Variants in ADGRD1 observed in about 807,000 individuals in gnomAD.
The protein encoded by ADGRD1 is adhesion G protein-coupled receptor D1.
In ADGRD1, 77 loss-of-function variants were observed where a neutral mutation model predicts 113.4. That is an observed-to-expected ratio of 0.68 (90% CI 0.57 to 0.82). The LOEUF (loss-of-function observed/expected upper bound fraction) is 0.82, where lower values mean the gene tolerates loss of function less well. ADGRD1 is among the 40% of genes least tolerant of loss of function. The pLI, the probability that ADGRD1 is intolerant of heterozygous loss-of-function variation, is 0.00. For missense variants in ADGRD1, 1,036 were observed against 1,139.1 expected (o/e 0.91, Z 1.30); for synonymous variants, 474 against 475.0 (o/e 1.00, Z 0.03).
In ADGRD1 at chr12:131,075,181, G is replaced by C. The variant is rs1257790911; in HGVS notation, c.1474-1620G>C. 2.6e-5 allele frequency among the ~76,000 whole-genome samples: 4 copies of C among 152,052 alleles called. No homozygotes were observed. Among genetic ancestry groups the C allele is most frequent in the Non-Finnish European group, 5.9e-5 (4 of 68,000 alleles). On this transcript the variant is annotated intron_variant, in intron 13 of 24. Coordinates refer to ENST00000261654, the MANE Select transcript of ADGRD1 (RefSeq NM_198827.5). This position sits in a 1 kb window ranked among gnomAD's most constrained non-coding sequence, Gnocchi z 5.3. ...AATTACTCAGGTAACACACAAATAC[G>C]CCTCCTTGTTAAAAAATTACATATA... is the stretch of plus-strand genomic sequence containing the variant.
intron 13 of ADGRD1, among the ~76,000 whole-genome samples, chr12:131,019,453 C>T (rs1384741992): frequency 6.6e-6 from 1 of 152,238 alleles, no homozygotes; most frequent in African/African-American, 2.4e-5. Context: ...AAATTGCTCA[C>T]TGCGTTCAAC....
Position 131,084,431 on chromosome 12 carries a change from C to T in ADGRD1, c.1548-109C>T, listed in dbSNP as rs1357580386. On this transcript the variant is annotated intron_variant, in intron 14 of 24. Coordinates refer to ENST00000261654, the MANE Select transcript of ADGRD1 (RefSeq NM_198827.5). This position sits in a 1 kb window ranked among gnomAD's most constrained non-coding sequence, Gnocchi z 4.5. The stretch of plus-strand genomic sequence containing the variant: ...GCATTCCTGGCGTGGCAGGTGTGGG[C>T]GCCGCCATGAGTTCACGGGGCCATG... 1.7e-5 allele frequency: 20 copies of T among 1,193,452 alleles called. 1 individual carries two copies. The highest frequency in any genetic ancestry group is 1.2e-4 in the East Asian group (5 of 42,154). 73.9% of individuals were successfully genotyped at this position (1,193,452 alleles called of 1,614,324 possible).
intron 2 of ADGRD1, among the ~76,000 whole-genome samples, chr12:130,955,911 T>C (rs1195753): frequency 0.88 from 133,248 of 152,240 alleles, 58,399 homozygotes; most frequent in East Asian, 0.99. Flanking sequence ...GCCTCAGCCT[T>C]CCAAGCAGCT....
chr12:131,120,679 G>T, intron 19 of ADGRD1, 168 bp from the exon 20 acceptor site: 1 of 703,284 alleles, frequency 1.4e-6, no homozygotes, highest in Non-Finnish European at 2.6e-6. Flanking sequence ...ATGAGACGTG[G>T]GATCATCATG....
rs190064838 is a variant in ADGRD1 at position 131,072,399 on chromosome 12, G to A, written c.1474-4402G>A. Among the ~76,000 whole-genome samples the A allele has an allele frequency of 1.3e-4, 20 of 152,338 alleles. No homozygotes were observed. In the East Asian group the frequency reaches 2.5e-3, roughly 19 times the overall value. ...GGGGTCTTCTGAAGTAGGGGGCATC[G>A]GTGGGTCTCTCTGACCCTGGTGCGT... On this transcript the variant is annotated intron_variant, in intron 13 of 24. Coordinates refer to ENST00000261654, the MANE Select transcript of ADGRD1 (RefSeq NM_198827.5).
rs759840260 is a variant in ADGRD1 at position 130,954,575 on chromosome 12, C to G, written c.66+44C>G. On this transcript the variant is annotated intron_variant, in intron 1 of 24. Transcript: ENST00000261654. This position sits in a 1 kb window ranked among gnomAD's most constrained non-coding sequence, Gnocchi z 4.7. ...CAGGATGGCGACAGGCTTGGTTTCT[C>G]CGGAGGCTTTCCCTGAGTGTGTCTC... is the stretch of plus-strand genomic sequence containing the variant. The G allele has an allele frequency of 6.2e-7, 1 of 1,613,932 alleles. No individual in the cohort carries two copies. The highest frequency in any genetic ancestry group is 1.1e-5 in the South Asian group (1 of 91,060).
At chr12:131,014,776 T>C (rs1435468351) in intron 13 of ADGRD1, among the ~76,000 whole-genome samples, 1 of 152,192 alleles carries the variant, frequency 6.6e-6, no homozygotes, top group Non-Finnish European at 1.5e-5. Flanking sequence ...CTTCAGGCAT[T>C]GCGTGATAAG....
In ADGRD1 at chr12:131,133,471, T is replaced by G. The variant is rs571716005; in HGVS notation, c.2267+1655T>G. ...GCTGGCACTGTGTCTGCAGCTCTTG[T>G]GAAGGCTCGAGGTAGCGTGCCCCGG... On this transcript the variant is annotated intron_variant, in intron 21 of 24. Coordinates refer to ENST00000261654, the MANE Select transcript of ADGRD1 (RefSeq NM_198827.5). Among the ~76,000 whole-genome samples, 11 of 152,334 alleles carry G rather than the reference T, an allele frequency of 7.2e-5. No homozygotes were observed. In the South Asian group the frequency reaches 1.2e-3, roughly 17 times the overall value.
At chr12:130,958,621 C>T (rs1480545801) in intron 2 of ADGRD1, among the ~76,000 whole-genome samples, 1 of 152,028 alleles carries the variant, frequency 6.6e-6, no homozygotes, top group Non-Finnish European at 1.5e-5. Context: ...CTTCATGCTC[C>T]AGCTTCCATC....
rs753244977 is a variant in ADGRD1, at chr12:130,971,473, A to C, written c.203A>C (p.Lys68Thr). Residue 68 changes from lysine (K) to threonine (T), a missense_variant, in exon 4 of 25, where the codon AAG (lysine) becomes ACG (threonine). Coordinates refer to ENST00000261654, the MANE Select transcript of ADGRD1 (RefSeq NM_198827.5). This position sits in a 1 kb window ranked among gnomAD's most constrained non-coding sequence, Gnocchi z 4.2. Reference sequence around the variant, plus strand: ...TCTTCCTTAGATATTGTGGAAGGGAAGGTCAACAAAGGCATTTACCTGAAA... The same window carrying C: ...TCTTCCTTAGATATTGTGGAAGGGACGGTCAACAAAGGCATTTACCTGAAA... ...QDTTGDIVEG[K>T]VNKGIYLKEE... 12 of 1,613,170 alleles carry C rather than the reference A, an allele frequency of 7.4e-6. No homozygotes were observed. In the African/African-American group the frequency reaches 9.3e-5, roughly 13 times the overall value.
At chr12:131,126,244 G>A (rs117744762) in intron 20 of ADGRD1, among the ~76,000 whole-genome samples, 2,222 of 152,224 alleles carry the variant, frequency 0.015, 26 homozygotes, top group Non-Finnish European at 0.021. Flanking sequence ...ATTATTGAAC[G>A]AGTGGGTTTC....
rs912391221 is a variant in ADGRD1, at chr12:131,141,306, T to A, written c.*2043T>A. Reference sequence around the variant, plus strand: ...TCATGCACTTTATTTATAGGCTCTATGTTTTGGCTTCTGCAGTACTTTTAT... The same window carrying A: ...TCATGCACTTTATTTATAGGCTCTAAGTTTTGGCTTCTGCAGTACTTTTAT... On this transcript the variant is annotated 3_prime_UTR_variant, in exon 25 of 25. Coordinates refer to ENST00000261654, the MANE Select transcript of ADGRD1 (RefSeq NM_198827.5). 2.6e-5 allele frequency: 4 copies of A among 152,272 alleles called. No individual in the cohort carries two copies. Among genetic ancestry groups the A allele is most frequent in the Non-Finnish European group, 5.9e-5 (4 of 68,042 alleles). 9.4% of individuals were successfully genotyped at this position (152,272 alleles called of 1,614,324 possible). A position where few individuals can be genotyped will look rare whatever the true frequency, so the allele number is the denominator to read the frequency against.
chr12:131,047,789 G>A (rs971689354), intron 13 of ADGRD1, among the ~76,000 whole-genome samples: 9 of 152,192 alleles, frequency 5.9e-5, no homozygotes, highest in South Asian at 2.1e-4. Context: ...TTGGCTCAGC[G>A]TAAAGACATC....
chr12:131,126,286 C>G (rs1329537243), intron 20 of ADGRD1, among the ~76,000 whole-genome samples: 1 of 152,172 alleles, frequency 6.6e-6, no homozygotes, highest in Non-Finnish European at 1.5e-5. Context: ...CCCCTTCTCT[C>G]TCTCTGTGCT....
At chr12:131,030,463 G>C (rs1264668515) in intron 13 of ADGRD1, 1 of 152,698 alleles carries the variant, frequency 6.5e-6, no homozygotes, top group Non-Finnish European at 1.5e-5. Context: ...AGCGTGCGCA[G>C]GCCCTTCCTC....
In ADGRD1 at chr12:130,966,791, G is replaced by T; in HGVS notation, c.187+245G>T. ...AACTTCCCGTAATAGTTATTTCAAA[G>T]CTTTTTTTTTTGTAGAGATGGGGTC... On this transcript the variant is annotated intron_variant, in intron 3 of 24. Transcript: ENST00000261654. The surrounding 1 kb of genome is among the most constrained non-coding windows in gnomAD (Gnocchi z 4.6). The T allele has an allele frequency of 2.6e-6, 1 of 380,798 alleles. No individual in the cohort carries two copies. The highest frequency in any genetic ancestry group is 5.3e-5 in the Admixed American group (1 of 18,756). The allele number at this position is 380,798 out of a possible 1,614,324, so 23.6% of individuals were successfully genotyped here. A position where few individuals can be genotyped will look rare whatever the true frequency, so the allele number is the denominator to read the frequency against.
In ADGRD1 at chr12:130,986,860, G is replaced by T. The variant is rs1359411607; in HGVS notation, c.491-235G>T. ...AACTACTATGTTAAAATAACAAGGA[G>T]TCTCCTTGAACTGCTTCTGGAATTT... On this transcript the variant is annotated intron_variant, in intron 5 of 24. Coordinates refer to ENST00000261654, the MANE Select transcript of ADGRD1 (RefSeq NM_198827.5). 3.5e-5 allele frequency: 18 copies of T among 513,826 alleles called. No individual in the cohort carries two copies. In the Admixed American group the frequency reaches 6.2e-4, roughly 18 times the overall value. 31.8% of individuals were successfully genotyped at this position (513,826 alleles called of 1,614,324 possible).
chr12:130,969,409 A>G lies in ADGRD1; in HGVS notation c.188-2049A>G, dbSNP rs116987163. The G allele has an allele frequency of 9.2e-3, 2,263 of 246,190 alleles. 19 individuals carry two copies. Among genetic ancestry groups the G allele is most frequent in the Non-Finnish European group, 0.01 (1,336 of 127,434 alleles). The allele number at this position is 246,190 out of a possible 1,614,324, so 15.3% of individuals were successfully genotyped here. ...TATTTACAGCTGCTCCCTATCGCTC[A>G]CATTACCGCCCGAGCTCCACCTCCT... On this transcript the variant is annotated intron_variant, in intron 3 of 24. Transcript: ENST00000261654.
Position 131,003,324 on chromosome 12 carries a change from G to A in ADGRD1, c.1144+22G>A. Reference sequence around the variant, plus strand: ...GCAGGTAGCTGTCGCTTGTAAGGGTGAGCCACATGGCAGGGGCGGGGGCTG... The same window carrying A: ...GCAGGTAGCTGTCGCTTGTAAGGGTAAGCCACATGGCAGGGGCGGGGGCTG... On this transcript the variant is annotated intron_variant, in intron 10 of 24. Transcript: ENST00000261654. The surrounding 1 kb of genome is among the most constrained non-coding windows in gnomAD (Gnocchi z 4.8). 1.3e-6 allele frequency: 2 copies of A among 1,528,930 alleles called. No individual in the cohort carries two copies. Among genetic ancestry groups the A allele is most frequent in the Non-Finnish European group, 1.8e-6 (2 of 1,103,848 alleles). 94.7% of individuals were successfully genotyped at this position (1,528,930 alleles called of 1,614,324 possible).
Sources: gnomAD v4.1 joint callset for allele counts (sites outside exome capture counted in the v4.1 genomes callset) on GRCh38, gnomAD v4.1.1 for gene constraint, Gnocchi (gnomAD v3.1) non-coding constraint, MANE v1.5 for transcripts, NCBI Gene and HGNC (gene_info 2026-07-23, HGNC 2026-07-21) for gene names.